The following PTPRD variants were observed in gnomAD, a reference collection of about 807,000 sequenced individuals.
PTPRD encodes the protein protein tyrosine phosphatase receptor type D, also known as receptor-type tyrosine-protein phosphatase delta.
PTPRD carries 34 observed loss-of-function variants against 214.5 expected under a neutral mutation model. The observed-to-expected ratio is 0.16, with a 90% CI of 0.12 to 0.21. The LOEUF (loss-of-function observed/expected upper bound fraction) is 0.21. Ranked by LOEUF, PTPRD falls within the 10% of genes least tolerant of loss-of-function variation. The pLI is 1.00. For synonymous variants in PTPRD, 1,128 were observed against 845.7 expected, an observed-to-expected ratio of 1.33 and a Z score of -5.79; for missense variants, 2,545 against 2,398.7, an observed-to-expected ratio of 1.06 and a Z score of -1.27.
At chr9:10,551,372 T>A (rs1455536084) in intron 2 of PTPRD, among the ~76,000 whole-genome samples, 1 of 152,030 alleles carries the variant, frequency 6.6e-6, no homozygotes, top group African/African-American at 2.4e-5. Context: ...AATTACATAT[T>A]TACCACCGTG....
chr9:9,478,812 C>T (rs148129605), intron 8 of PTPRD, among the ~76,000 whole-genome samples: 1 of 152,160 alleles, frequency 6.6e-6, no homozygotes, highest in African/African-American at 2.4e-5. Flanking sequence ...CGAGTTTAAT[C>T]CTCAGAATTC....
At chr9:9,991,581 G>C (rs7027381) in intron 4 of PTPRD, among the ~76,000 whole-genome samples, 104,114 of 151,092 alleles carry the variant, frequency 0.69, 36,286 homozygotes, top group Middle Eastern at 0.77. Flanking sequence ...GGCTGGTCTC[G>C]AACTCCTGAA....
intron 7 of PTPRD, among the ~76,000 whole-genome samples, chr9:9,718,994 T>G (rs1312755552): frequency 5.3e-5 from 8 of 152,134 alleles, no homozygotes; most frequent in Admixed American, 5.2e-4. Context: ...ACCTGAAGCC[T>G]GGGGGCCAGG....
intron 4 of PTPRD, among the ~76,000 whole-genome samples, chr9:10,012,933 G>T (rs1165941504): frequency 6.6e-6 from 1 of 151,762 alleles, no homozygotes; most frequent in Non-Finnish European, 1.5e-5. Flanking sequence ...ACCTGGAAAT[G>T]ATCTTTGTAA....
intron 11 of PTPRD, among the ~76,000 whole-genome samples, chr9:8,930,569 G>T (rs1335977662): frequency 1.3e-5 from 2 of 152,108 alleles, no homozygotes; most frequent in Non-Finnish European, 2.9e-5. Context: ...CTAGTTTACA[G>T]TCCCACCAAC....
intron 5 of PTPRD, among the ~76,000 whole-genome samples, chr9:9,837,588 T>TAA (rs2057142646): frequency 6.6e-6 from 1 of 152,014 alleles, no homozygotes; most frequent in African/African-American, 2.4e-5. Flanking sequence ...TTTGATGGGG[T>TAA]AAAGCAAAGA....
At chr9:9,646,135 T>C (rs1292773160) in intron 7 of PTPRD, among the ~76,000 whole-genome samples, 2 of 152,198 alleles carry the variant, frequency 1.3e-5, no homozygotes, top group African/African-American at 2.4e-5. Flanking sequence ...TGTGATAGTA[T>C]TCCCTCTGCC....
At chr9:9,998,529 C>T (rs1588521171) in intron 4 of PTPRD, among the ~76,000 whole-genome samples, 1 of 149,894 alleles carries the variant, frequency 6.7e-6, no homozygotes, top group East Asian at 2.0e-4. Flanking sequence ...ACACATACTT[C>T]CCAGACATTA....
intron 5 of PTPRD, among the ~76,000 whole-genome samples, chr9:9,807,377 C>T (rs1041968579): frequency 6.6e-6 from 1 of 152,086 alleles, no homozygotes; most frequent in Non-Finnish European, 1.5e-5. Flanking sequence ...TATTGAAAAT[C>T]CTGATTTCAC....
chr9:9,099,142 G>T (rs552295064), intron 10 of PTPRD, among the ~76,000 whole-genome samples: 1 of 152,210 alleles, frequency 6.6e-6, no homozygotes, highest in East Asian at 1.9e-4. Flanking sequence ...CCTTTAAAAA[G>T]ACAATACAGT....
At chr9:9,493,393 T>C (rs961026467) in intron 8 of PTPRD, among the ~76,000 whole-genome samples, 1 of 152,224 alleles carries the variant, frequency 6.6e-6, no homozygotes, top group Non-Finnish European at 1.5e-5. Context: ...GATGAAGATG[T>C]ACAAATATAT....
At chr9:9,101,400 A>G (rs778969103) in intron 10 of PTPRD, among the ~76,000 whole-genome samples, 3 of 152,242 alleles carry the variant, frequency 2.0e-5, no homozygotes, top group Non-Finnish European at 4.4e-5. Context: ...CAGCTCTATA[A>G]AAATACACCT....
At chr9:8,432,863 T>C (rs892547765) in intron 35 of PTPRD, among the ~76,000 whole-genome samples, 1 of 152,212 alleles carries the variant, frequency 6.6e-6, no homozygotes, top group Non-Finnish European at 1.5e-5. Context: ...GAAGAGTCTA[T>C]GTGGGCTATC....
intron 14 of PTPRD, among the ~76,000 whole-genome samples, chr9:8,625,645 T>C (rs2096001904): frequency 6.6e-6 from 1 of 151,624 alleles, no homozygotes; most frequent in Non-Finnish European, 1.5e-5. Flanking sequence ...GCTACACTTA[T>C]GACCAAAAAT....
intron 5 of PTPRD, among the ~76,000 whole-genome samples, chr9:9,791,275 G>C (rs2098965421): frequency 6.6e-6 from 1 of 151,964 alleles, no homozygotes; most frequent in South Asian, 2.1e-4. Context: ...AAGGTGTTCT[G>C]GAATTATTTG....
chr9:8,965,062 A>G (rs1567279279), intron 11 of PTPRD, among the ~76,000 whole-genome samples: 1 of 152,088 alleles, frequency 6.6e-6, no homozygotes, highest in African/African-American at 2.4e-5. Context: ...CCAGTTGGTC[A>G]AGTGTCAAGT....
At chr9:9,942,745 A>G (rs2091813896) in intron 4 of PTPRD, among the ~76,000 whole-genome samples, 1 of 152,174 alleles carries the variant, frequency 6.6e-6, no homozygotes, top group Non-Finnish European at 1.5e-5. Context: ...CATAATATTT[A>G]AAGACATTTG....
chr9:8,520,127 G>A (rs2097859429), intron 20 of PTPRD, among the ~76,000 whole-genome samples: 2 of 152,104 alleles, frequency 1.3e-5, no homozygotes, highest in South Asian at 4.2e-4. Context: ...TACAAATATT[G>A]CTAATTAAAG....
At chr9:10,098,746 T>C (rs1026179649) in intron 3 of PTPRD, among the ~76,000 whole-genome samples, 1 of 151,750 alleles carries the variant, frequency 6.6e-6, no homozygotes, top group African/African-American at 2.4e-5. Context: ...AGCTGACCTA[T>C]TATCCTAACT....
Sources: allele counts gnomAD v4.1 joint callset (sites outside exome capture counted in the v4.1 genomes callset), GRCh38; gene constraint gnomAD v4.1.1; transcripts MANE v1.5; gene names NCBI Gene and HGNC (gene_info 2026-07-23, HGNC 2026-07-21).